Variants in DNAH6 observed in about 807,000 individuals in gnomAD.
DNAH6 encodes the protein axonemal beta dynein heavy chain 6.
DNAH6 carries 340 observed loss-of-function variants against 491.4 expected under a neutral mutation model. The observed-to-expected ratio is 0.69, with a 90% CI of 0.63 to 0.76. The LOEUF (loss-of-function observed/expected upper bound fraction) is 0.76. DNAH6 is among the 30% of genes least tolerant of loss of function. DNAH6 has a pLI of 0.00. For missense variants in DNAH6, 4,443 were observed against 4,972.2 expected, an observed-to-expected ratio of 0.89 and a Z score of 3.20; for synonymous variants, 1,603 against 1,686.1, an observed-to-expected ratio of 0.95 and a Z score of 1.21.
At chr2:84,553,453 CTTTCTTTCT>C (rs1679697433) in intron 10 of DNAH6, among the ~76,000 whole-genome samples, 1 of 137,722 alleles carries the variant, frequency 7.3e-6, no homozygotes, top group Admixed American at 7.5e-5. Context: ...TTCTCTCTCT[CTTTCTTTCT>C]TTTCTTTCTT....
At chr2:84,811,884 C>G (rs977891274) in intron 72 of DNAH6, among the ~76,000 whole-genome samples, 1 of 151,470 alleles carries the variant, frequency 6.6e-6, no homozygotes. Flanking sequence ...AAAGGAATCT[C>G]CTCTTTCTGC....
At chr2:84,787,346 A>G (rs958285781) in intron 68 of DNAH6, 44 bp downstream of exon 68, 2 of 1,517,616 alleles carry the variant, frequency 1.3e-6, no homozygotes, top group Non-Finnish European at 8.9e-7. Flanking sequence ...ATGTACCACA[A>G]AGTTGTTGGT....
At chr2:84,529,780 G>A (rs1676978527) in intron 4 of DNAH6, among the ~76,000 whole-genome samples, 1 of 152,180 alleles carries the variant, frequency 6.6e-6, no homozygotes, top group Non-Finnish European at 1.5e-5. Flanking sequence ...CAGTTCTTGA[G>A]ATGGTCTTTT....
At chr2:84,783,743 C>A (rs1559036876) in intron 65 of DNAH6, among the ~76,000 whole-genome samples, 2 of 152,126 alleles carry the variant, frequency 1.3e-5, no homozygotes, top group Non-Finnish European at 2.9e-5. Context: ...AGTTTCCATT[C>A]TAGTTGGGGG....
rs1213300874 is a variant in DNAH6 at position 84,584,156 on chromosome 2, A to G, written c.2387A>G (p.Asp796Gly). 5 of 1,614,052 alleles carry G rather than the reference A, an allele frequency of 3.1e-6. No homozygotes were observed. The highest frequency in any genetic ancestry group is 3.4e-6 in the Non-Finnish European group (4 of 1,180,040). ...VRNAIDKSVG[D>G]RESSIKQFCV... ...AATGCCATTGATAAATCAGTGGGTG[A>G]TAGAGAATCAAGCATTAAGCAATTT... Residue 796 changes from aspartate to glycine, a missense_variant, in exon 15 of 77, where the codon GAT becomes GGT. Physicochemically the swap from Asp to Gly is moderately conservative, Grantham distance 94. Transcript: ENST00000389394.
In DNAH6 at chr2:84,548,320, A is replaced by G. The variant is rs1266258981; in HGVS notation, c.1219A>G (p.Ile407Val). 6 of 1,613,920 alleles carry G rather than the reference A, an allele frequency of 3.7e-6. No individual in the cohort carries two copies. Among genetic ancestry groups the G allele is most frequent in the Admixed American group, 1.7e-5 (1 of 59,982 alleles). The change falls in exon 8 of 77, where the codon ATT becomes GTT. Residue 407 changes from isoleucine (I) to valine (V), a missense_variant. Coordinates refer to ENST00000389394, the MANE Select transcript of DNAH6 (RefSeq NM_001370.2). ...TAAAGTGCAGAGCAGTGGAAGTTTC[A>G]TTAATACACCACATGAGTTGCCCAC... The part of the protein sequence containing the change: ...YHKVQSSGSF[I>V]NTPHELPTYG...
At chr2:84,535,966 C>CA (rs1677653822) in intron 4 of DNAH6, among the ~76,000 whole-genome samples, 1 of 151,832 alleles carries the variant, frequency 6.6e-6, no homozygotes, top group East Asian at 1.9e-4. Flanking sequence ...TTTGTTACAA[C>CA]CAAGGTTTAC....
chr2:84,790,996 C>T (rs910300266), intron 68 of DNAH6, among the ~76,000 whole-genome samples: 2 of 152,154 alleles, frequency 1.3e-5, no homozygotes, highest in Admixed American at 1.3e-4. Flanking sequence ...TCGAGACCAG[C>T]CTGGCCAACA....
chr2:84,720,315 G>C (rs931892208), intron 59 of DNAH6, among the ~76,000 whole-genome samples: 34 of 108,436 alleles, frequency 3.1e-4, no homozygotes, highest in Non-Finnish European at 5.0e-4. Flanking sequence ...GTCTCGCTCT[G>C]TCGCCCAGGC....
chr2:84,806,771 A>G (rs978324901), intron 71 of DNAH6, among the ~76,000 whole-genome samples: 2 of 152,176 alleles, frequency 1.3e-5, no homozygotes, highest in Non-Finnish European at 2.9e-5. Context: ...AGGCAGAAAA[A>G]ACAGCAACTG....
At chr2:84,590,219 G>GGCGCAGTGGC (rs1683972716) in intron 16 of DNAH6, among the ~76,000 whole-genome samples, 1 of 152,004 alleles carries the variant, frequency 6.6e-6, no homozygotes, top group African/African-American at 2.4e-5. Flanking sequence ...AACTTGGCTG[G>GGCGCAGTGGC]GCGCAGTGGC....
At chr2:84,767,497 G>A (rs553497596) in intron 64 of DNAH6, among the ~76,000 whole-genome samples, 17 of 151,916 alleles carry the variant, frequency 1.1e-4, no homozygotes, top group Non-Finnish European at 2.4e-4. Flanking sequence ...CTGCACTCCA[G>A]CCTGAGTAAC....
At chr2:84,631,687 A>G (rs1035625566) in intron 29 of DNAH6, among the ~76,000 whole-genome samples, 1 of 152,172 alleles carries the variant, frequency 6.6e-6, no homozygotes, top group African/African-American at 2.4e-5. Context: ...GTTGCCGGCA[A>G]CCACTAGAAG....
At chr2:84,596,405 C>G (rs1303963363) in intron 18 of DNAH6, among the ~76,000 whole-genome samples, 1 of 152,060 alleles carries the variant, frequency 6.6e-6, no homozygotes. Flanking sequence ...CTCACTGCAA[C>G]CTCGGCCTCC....
intron 72 of DNAH6, among the ~76,000 whole-genome samples, chr2:84,812,011 G>T (rs948294612): frequency 6.6e-6 from 1 of 152,084 alleles, no homozygotes; most frequent in African/African-American, 2.4e-5. Flanking sequence ...TCACAGTCAG[G>T]CCTATTTTTC....
At chr2:84,503,500 GGT>G in the DNAH6 span, among the ~76,000 whole-genome samples, 1 of 152,018 alleles carries the variant, frequency 6.6e-6, no homozygotes, top group East Asian at 1.9e-4. Flanking sequence ...TGTAGCTTCA[GGT>G]GATCATTTAT....
chr2:84,529,189 A>G, intron 4 of DNAH6, 23 bp downstream of exon 4: 2 of 1,474,734 alleles, frequency 1.4e-6, no homozygotes, highest in Non-Finnish European at 1.8e-6. Context: ...TTATGATGCA[A>G]TTTAACATAA....
Position 84,642,045 on chromosome 2 carries a change from T to C in DNAH6, c.5069T>C (p.Leu1690Pro). The C allele has an allele frequency of 1.3e-6, 2 of 1,547,586 alleles. No individual in the cohort carries two copies. Among genetic ancestry groups the C allele is most frequent in the Admixed American group, 2.0e-5 (1 of 50,958 alleles). The change falls in exon 33 of 77, where the codon CTT becomes CCT. Residue 1690 changes from leucine (L) to proline (P), a missense_variant. Leu to Pro is a moderately conservative substitution (Grantham distance 98, BLOSUM62 -3). Coordinates refer to ENST00000389394, the MANE Select transcript of DNAH6 (RefSeq NM_001370.2). ...CCAAAATTTCTAACAGATGATGCTC[T>C]TCTGTTCAGGTAAGTTTGTAGACAT... ...NLPKFLTDDALLFSGIISDLF... is the reference protein window; with the variant it reads ...NLPKFLTDDAPLFSGIISDLF...
intron 2 of DNAH6, among the ~76,000 whole-genome samples, chr2:84,520,152 T>C (rs1384328856): frequency 1.3e-5 from 2 of 151,926 alleles, no homozygotes; most frequent in African/African-American, 2.4e-5. Context: ...TGTTGTGGAG[T>C]TGATGAAAAA....
Sources: allele counts gnomAD v4.1 joint callset (sites outside exome capture counted in the v4.1 genomes callset), GRCh38; gene constraint gnomAD v4.1.1; transcripts MANE v1.5; gene names NCBI Gene and HGNC (gene_info 2026-07-23, HGNC 2026-07-21).